Variants in ADAP1 observed in about 807,000 individuals in gnomAD.
ADAP1 encodes arf-GAP with dual PH domain-containing protein 1.
ADAP1 carries 31 observed loss-of-function variants against 54.9 expected under a neutral mutation model. The observed-to-expected ratio is 0.56, with a 90% confidence interval of 0.42 to 0.76. ADAP1 has a LOEUF of 0.76. Ranked by LOEUF, ADAP1 falls within the 30% of genes least tolerant of loss-of-function variation. ADAP1 has a pLI of 0.00. For missense variants in ADAP1, 535 were observed against 512.4 expected (o/e 1.04, Z -0.42); for synonymous variants, 313 against 202.6 (o/e 1.55, Z -4.63).
chr7:951,354 C>G (rs1328529445), intron 1 of ADAP1, among the ~76,000 whole-genome samples: 4 of 149,090 alleles, frequency 2.7e-5, no homozygotes, highest in Non-Finnish European at 5.9e-5. Context: ...GCCTGGGCGA[C>G]AGAGCGAGAC....
intron 1 of ADAP1, among the ~76,000 whole-genome samples, chr7:942,902 TGAGGAAGGGAGAGAGGAG>T (rs1562936199): frequency 1.5e-3 from 5 of 3,448 alleles, no homozygotes; most frequent in African/African-American, 9.4e-3. Flanking sequence ...GGAGAGAGGA[TGAGGAAGGGAGAGAGGAG>T]GAGGAAGGGA....
Position 926,946 on chromosome 7 carries a change from A to C in ADAP1, c.214-302T>G. 8.0e-7 allele frequency: 1 copy of C among 1,252,418 alleles called. No homozygotes were observed. The highest frequency in any genetic ancestry group is 1.0e-6 in the Non-Finnish European group (1 of 967,276). 77.6% of individuals were successfully genotyped at this position (1,252,418 alleles called of 1,614,324 possible). On this transcript the variant is annotated intron_variant, in intron 2 of 10. Transcript: ENST00000265846. The surrounding 1 kb of genome is among the most constrained non-coding windows in gnomAD (Gnocchi z 4.6). ...GGTTTGCCCCACCGTTTCAACCCCC[A>C]AGTCCACCCACACCGGGTGTCCCGT...
intron 4 of ADAP1, among the ~76,000 whole-genome samples, chr7:913,197 CCTTT>C (rs1004016736): frequency 4.0e-5 from 4 of 99,450 alleles, no homozygotes; most frequent in East Asian, 2.7e-4. Context: ...TCCTCCCCTT[CCTTT>C]TTTTTTTTTT....
intron 1 of ADAP1, among the ~76,000 whole-genome samples, chr7:939,625 G>A (rs1846887010): frequency 6.6e-6 from 1 of 151,842 alleles, no homozygotes; most frequent in Non-Finnish European, 1.5e-5. Context: ...GAGGTCAGGA[G>A]TGTGAGAACA....
At position 920,327 on chromosome 7, in the gene ADAP1, G is replaced by GAAAA. The variant is rs543361069; in HGVS notation, c.306-278_306-277insTTTT. Among the ~76,000 whole-genome samples the GAAAA allele has an allele frequency of 6.6e-6, 1 of 152,210 alleles. No homozygotes were observed. Among genetic ancestry groups the GAAAA allele is most frequent in the South Asian group, 2.1e-4 (1 of 4,822 alleles). Reference sequence around the variant, plus strand: ...CACAAGCGTTCCCGGTGGACGGGCTGGTGCCTCCCCTCTCCTTCCCACCTT... The same window carrying GAAAA: ...CACAAGCGTTCCCGGTGGACGGGCTGAAAAGTGCCTCCCCTCTCCTTCCCACCTT... On this transcript the variant is annotated intron_variant, in intron 3 of 10. Transcript: ENST00000265846. This position sits in a 1 kb window ranked among gnomAD's most constrained non-coding sequence, Gnocchi z 4.5.
chr7:916,656 C>CCT (rs1156363497), intron 4 of ADAP1, among the ~76,000 whole-genome samples: 2 of 152,178 alleles, frequency 1.3e-5, no homozygotes, highest in Non-Finnish European at 2.9e-5. Context: ...TTGCTCTCTC[C>CCT]CTCACACACA....
rs1276505739 is a variant in ADAP1 at position 916,064 on chromosome 7, G to A, written c.388+3904C>T. On this transcript the variant is annotated intron_variant, in intron 4 of 10. Coordinates refer to ENST00000265846, the MANE Select transcript of ADAP1 (RefSeq NM_006869.4). ...AAGGGCCACTCCAGGGGCCAGAGGC[G>A]GGCACGCCACCTAGGGCGCCACGTT... Among the ~76,000 whole-genome samples, 6 of 152,214 alleles carry A rather than the reference G, an allele frequency of 3.9e-5. No individual in the cohort carries two copies. The East Asian group carries it at 9.6e-4, about 24-fold the overall frequency.
chr7:939,344 C>G (rs193291519), intron 1 of ADAP1, among the ~76,000 whole-genome samples: 5 of 151,952 alleles, frequency 3.3e-5, no homozygotes. Context: ...TTCAGCCTCC[C>G]GAGTAGCTGG....
At chr7:918,445 G>C (rs771014788) in intron 4 of ADAP1, among the ~76,000 whole-genome samples, 1 of 152,132 alleles carries the variant, frequency 6.6e-6, no homozygotes, top group Non-Finnish European at 1.5e-5. Context: ...GACCACCAGT[G>C]ATCCTCCTGC....
intron 2 of ADAP1, among the ~76,000 whole-genome samples, chr7:930,904 T>C (rs1360079535): frequency 2.0e-5 from 3 of 148,882 alleles, no homozygotes; most frequent in Non-Finnish European, 4.4e-5. Context: ...CACTTGAGCC[T>C]GAAAGTTCAA....
rs1246553321 is a variant in ADAP1 at position 900,597 on chromosome 7, T to C, written c.668A>G (p.Asn223Ser). Reference protein sequence around the residue: ...EDGKEIVDWFNALRAARFHYL... With the variant: ...EDGKEIVDWFSALRAARFHYL... The stretch of plus-strand genomic sequence containing the variant: ...GTGGAAGCGAGCAGCTCGGAGTGCA[T>C]TGAACCAGTCCACAATCTCCTAGGG... Residue 223 changes from asparagine to serine, a missense_variant, in exon 7 of 11, where the codon AAT (asparagine) becomes AGT (serine). By Grantham distance (46) the Asn-to-Ser change is conservative. Transcript: ENST00000265846. The C allele has an allele frequency of 1.1e-5, 17 of 1,606,418 alleles. No homozygotes were observed. The highest frequency in any genetic ancestry group is 1.4e-5 in the African/African-American group (1 of 73,022).
chr7:899,913 T>A (rs1281431549), intron 8 of ADAP1, among the ~76,000 whole-genome samples, 189 bp downstream of exon 8: 1 of 151,646 alleles, frequency 6.6e-6, no homozygotes, highest in East Asian at 1.9e-4. Flanking sequence ...GCAGGGAGGG[T>A]CTAACCAAAG....
chr7:919,834 A>AGAGGGGGG, intron 4 of ADAP1, 134 bp downstream of exon 4: 1 of 182,472 alleles, frequency 5.5e-6, no homozygotes. Context: ...GGAGGGAGGG[A>AGAGGGGGG]GATGGGGGGA....
At chr7:939,949 T>C (rs908212398) in intron 1 of ADAP1, among the ~76,000 whole-genome samples, 2 of 151,970 alleles carry the variant, frequency 1.3e-5, no homozygotes, top group African/African-American at 2.4e-5. Flanking sequence ...ATTACTAATA[T>C]AGCCTATCTT....
intron 4 of ADAP1, among the ~76,000 whole-genome samples, chr7:908,772 C>G (rs947847243): frequency 6.6e-6 from 1 of 152,248 alleles, no homozygotes; most frequent in African/African-American, 2.4e-5. Context: ...CGCTTCCCGG[C>G]CTCTGCCGCT....
chr7:920,944 C>T lies in ADAP1; in HGVS notation c.306-894G>A, dbSNP rs1252095222. On this transcript the variant is annotated intron_variant, in intron 3 of 10. Transcript: ENST00000265846. This position sits in a 1 kb window ranked among gnomAD's most constrained non-coding sequence, Gnocchi z 4.5. ...CTTCCTGCTGGGCCCACGTGAACAG[C>T]CTTGGAGACTGGGCGGGAATCCTCG... is the stretch of plus-strand genomic sequence containing the variant. 1.4e-6 allele frequency: 2 copies of T among 1,383,744 alleles called. No individual in the cohort carries two copies. The highest frequency in any genetic ancestry group is 2.9e-5 in the African/African-American group (2 of 69,734). 85.7% of individuals were successfully genotyped at this position (1,383,744 alleles called of 1,614,324 possible).
intron 1 of ADAP1, among the ~76,000 whole-genome samples, chr7:951,092 C>CG (rs1847257284): frequency 6.6e-6 from 1 of 150,906 alleles, no homozygotes; most frequent in African/African-American, 2.4e-5. Context: ...TTAAAAAATC[C>CG]GGCCAGGCGC....
In ADAP1 at chr7:926,497, A is replaced by T. The variant is rs1846393862; in HGVS notation, c.305+56T>A. On this transcript the variant is annotated intron_variant, in intron 3 of 10. Transcript: ENST00000265846. The surrounding 1 kb of genome is among the most constrained non-coding windows in gnomAD (Gnocchi z 4.6). ...CACCCTGCCGGGTCCTCCCGGGGCC[A>T]TCTCGGAGCCACCCAGCACTTGACC... The T allele has an allele frequency of 1.4e-6, 2 of 1,446,726 alleles. No homozygotes were observed. The highest frequency in any genetic ancestry group is 2.7e-5 in the South Asian group (2 of 74,654). 89.6% of individuals were successfully genotyped at this position (1,446,726 alleles called of 1,614,324 possible).
At chr7:900,424 C>A (rs1844731334) in intron 7 of ADAP1, 109 bp downstream of exon 7, 1 of 1,250,874 alleles carries the variant, frequency 8.0e-7, no homozygotes, top group South Asian at 1.4e-5. Flanking sequence ...CAGTCCCAGG[C>A]CCACCCTAGG....
Sources: allele counts gnomAD v4.1 joint callset (sites outside exome capture counted in the v4.1 genomes callset), GRCh38; gene constraint gnomAD v4.1.1; non-coding constraint Gnocchi (gnomAD v3.1); transcripts MANE v1.5; gene names NCBI Gene and HGNC (gene_info 2026-07-23, HGNC 2026-07-21).